Variants in WDPCP observed in about 807,000 individuals in gnomAD.
WDPCP encodes the protein WD repeat containing planar cell polarity effector.
WDPCP carries 71 observed loss-of-function variants against 93.1 expected under a neutral mutation model. The observed-to-expected ratio is 0.76, with a 90% CI of 0.63 to 0.93. WDPCP has a LOEUF of 0.93. Among genes scored for constraint, WDPCP ranks in the 40% least tolerant of loss-of-function variants. The probability of loss-of-function intolerance (pLI) is 0.00; values close to 1 mark genes in which losing one functional copy is unlikely to be tolerated. For synonymous variants in WDPCP, 315 were observed against 315.0 expected (o/e 1.00, Z 0.00); for missense variants, 844 against 887.4 (o/e 0.95, Z 0.62).
At chr2:63,731,194 G>A (rs542464059) in intron 2 of WDPCP, among the ~76,000 whole-genome samples, 29 of 151,666 alleles carry the variant, frequency 1.9e-4, no homozygotes, top group African/African-American at 6.0e-4. Context: ...ACTTGAATCC[G>A]GGAGGCGGAG....
chr2:63,318,814 A>G (rs1686860904), intron 12 of WDPCP, among the ~76,000 whole-genome samples: 2 of 152,280 alleles, frequency 1.3e-5, no homozygotes, highest in African/African-American at 4.8e-5. Flanking sequence ...ATCGAATACT[A>G]TGCTCATTAG....
upstream of WDPCP, among the ~76,000 whole-genome samples, chr2:63,828,626 G>A (rs1344580770): frequency 1.3e-5 from 2 of 152,194 alleles, no homozygotes; most frequent in East Asian, 3.9e-4. Context: ...CTATGCAGAT[G>A]GCCCAAATAT....
In WDPCP at chr2:63,313,578, G is replaced by GCTTAGAAAATACGTTGCCT. The variant is rs1263017001; in HGVS notation, c.1749-286_1749-268dup. ...CAAGTAGACACTGCTGACTATGATA[G>GCTTAGAAAATACGTTGCCT]CTTAGAAAATACGTTGCCTCTTCTT... On this transcript the variant is annotated intron_variant, in intron 12 of 17. Transcript: ENST00000272321. 2.6e-5 allele frequency among the ~76,000 whole-genome samples: 4 copies of GCTTAGAAAATACGTTGCCT among 152,016 alleles called. No homozygotes were observed. In the East Asian group the frequency reaches 7.8e-4, roughly 29 times the overall value.
At chr2:63,300,036 C>G (rs1198206693) in intron 13 of WDPCP, among the ~76,000 whole-genome samples, 3 of 152,052 alleles carry the variant, frequency 2.0e-5, no homozygotes, top group African/African-American at 4.8e-5. Context: ...GCCTTCCCTG[C>G]TTGCTATGTA....
intron 9 of WDPCP, among the ~76,000 whole-genome samples, chr2:63,405,143 T>C (rs1694468071): frequency 6.6e-6 from 1 of 152,156 alleles, no homozygotes; most frequent in South Asian, 2.1e-4. Flanking sequence ...CTGAAATTAT[T>C]GGTAAATTGC....
chr2:63,231,239 C>A (rs565336366), intron 14 of WDPCP, among the ~76,000 whole-genome samples: 4 of 152,228 alleles, frequency 2.6e-5, no homozygotes, highest in African/African-American at 7.2e-5. Context: ...AATGGGCAAA[C>A]ACTGGAGGCA....
At chr2:63,679,444 C>G (rs566010759) in intron 2 of WDPCP, among the ~76,000 whole-genome samples, 2 of 152,264 alleles carry the variant, frequency 1.3e-5, no homozygotes, top group South Asian at 4.2e-4. Context: ...TCTATGCTGA[C>G]AGTGGAGTCA....
At chr2:63,661,494 A>C (rs1401044115) in intron 2 of WDPCP, among the ~76,000 whole-genome samples, 3 of 152,200 alleles carry the variant, frequency 2.0e-5, no homozygotes, top group Non-Finnish European at 4.4e-5. Flanking sequence ...GCATGGCAAA[A>C]AGTGGGACTT....
chr2:63,205,115 T>C (rs1296269752), intron 14 of WDPCP, among the ~76,000 whole-genome samples: 2 of 152,186 alleles, frequency 1.3e-5, no homozygotes, highest in African/African-American at 4.8e-5. Flanking sequence ...TCCCCCAGTG[T>C]ATGCTTTTGT....
intron 17 of WDPCP, among the ~76,000 whole-genome samples, chr2:63,136,174 C>A (rs984806425): frequency 2.6e-5 from 4 of 152,142 alleles, no homozygotes; most frequent in Admixed American, 6.6e-5. Flanking sequence ...TACTCTCTCT[C>A]TCTCTATATA....
intron 12 of WDPCP, among the ~76,000 whole-genome samples, chr2:63,364,723 A>G (rs956105445): frequency 6.6e-6 from 1 of 152,226 alleles, no homozygotes; most frequent in South Asian, 2.1e-4. Context: ...AGTCATTTCA[A>G]TATTTTCAAT....
chr2:63,170,509 G>T (rs1188997063), intron 15 of WDPCP, among the ~76,000 whole-genome samples: 2 of 151,924 alleles, frequency 1.3e-5, no homozygotes, highest in Non-Finnish European at 2.9e-5. Context: ...CTGACCTCAG[G>T]TGATCCGCCT....
intron 3 of WDPCP, among the ~76,000 whole-genome samples, chr2:63,618,932 G>A (rs112642835): frequency 6.6e-5 from 10 of 152,028 alleles, no homozygotes; most frequent in African/African-American, 1.9e-4. Context: ...CAAGTGATTC[G>A]CCCGCCTCAC....
intron 1 of WDPCP, among the ~76,000 whole-genome samples, chr2:63,517,092 A>G (rs905333161): frequency 6.6e-6 from 1 of 151,850 alleles, no homozygotes; most frequent in Non-Finnish European, 1.5e-5. Flanking sequence ...TAATCTTTCT[A>G]TTTCTTCATC....
intron 2 of WDPCP, among the ~76,000 whole-genome samples, chr2:63,805,143 T>C (rs574084479): frequency 8.7e-4 from 133 of 152,324 alleles, no homozygotes; most frequent in Non-Finnish European, 1.6e-3. Context: ...TATTCTCCCT[T>C]ATAGAAAGAA....
chr2:63,660,246 G>A (rs1210602970), intron 2 of WDPCP, among the ~76,000 whole-genome samples: 1 of 152,046 alleles, frequency 6.6e-6, no homozygotes, highest in South Asian at 2.1e-4. Context: ...TGGGACTCAA[G>A]GTCAAAGTCC....
intron 2 of WDPCP, among the ~76,000 whole-genome samples, chr2:63,725,958 T>C (rs1669490510): frequency 6.6e-6 from 1 of 152,188 alleles, no homozygotes; most frequent in African/African-American, 2.4e-5. Context: ...GCTGGATGCA[T>C]AGTTTGCAAA....
At chr2:63,583,654 C>T (rs946309350) in intron 1 of WDPCP, among the ~76,000 whole-genome samples, 14 of 150,114 alleles carry the variant, frequency 9.3e-5, no homozygotes, top group African/African-American at 3.2e-4. Flanking sequence ...GCACTCCAGC[C>T]TGGCGACAGA....
At chr2:63,425,751 C>T (rs1011585925) in intron 9 of WDPCP, among the ~76,000 whole-genome samples, 6 of 152,192 alleles carry the variant, frequency 3.9e-5, no homozygotes, top group African/African-American at 4.8e-5. Context: ...CTATGACTCA[C>T]TGGCATTTCT....
Sources: gnomAD v4.1 joint callset for allele counts (sites outside exome capture counted in the v4.1 genomes callset) on GRCh38, gnomAD v4.1.1 for gene constraint, MANE v1.5 for transcripts, NCBI Gene and HGNC (gene_info 2026-07-23, HGNC 2026-07-21) for gene names.